The following BBS9 variants were observed in gnomAD, a reference collection of about 807,000 sequenced individuals.
BBS9 encodes the protein Bardet-Biedl syndrome 9, also known as protein PTHB1.
BBS9 carries 89 observed loss-of-function variants against 117.7 expected under a neutral mutation model. That is an observed-to-expected ratio of 0.76 (90% CI 0.64 to 0.90). The LOEUF (loss-of-function observed/expected upper bound fraction) is 0.90, where lower values mean the gene tolerates loss of function less well. Among genes scored for constraint, BBS9 ranks in the 40% least tolerant of loss-of-function variants. The pLI, the probability that BBS9 is intolerant of heterozygous loss-of-function variation, is 0.00. For missense variants in BBS9, 982 were observed against 1,042.2 expected, an observed-to-expected ratio of 0.94 and a Z score of 0.80; for synonymous variants, 379 against 370.9, an observed-to-expected ratio of 1.02 and a Z score of -0.25.
intron 19 of BBS9, among the ~76,000 whole-genome samples, chr7:33,473,019 A>G (rs939499379): frequency 2.6e-5 from 4 of 152,160 alleles, no homozygotes; most frequent in African/African-American, 9.7e-5. Flanking sequence ...TAAGTTGACC[A>G]GGTGGGCCCT....
At chr7:33,628,386 T>C (rs1865740695) in intron 21 of BBS9, among the ~76,000 whole-genome samples, 1 of 152,224 alleles carries the variant, frequency 6.6e-6, no homozygotes, top group South Asian at 2.1e-4. Context: ...ATTGCAATGT[T>C]GGTTTAACAT....
intron 5 of BBS9, among the ~76,000 whole-genome samples, chr7:33,210,639 C>T (rs201399654): frequency 7.2e-4 from 110 of 152,194 alleles, no homozygotes; most frequent in Admixed American, 1.4e-3. Flanking sequence ...CGGGTTCAAG[C>T]GAATTCTCCT....
At chr7:33,138,087 A>C (rs1790818347) in intron 1 of BBS9, among the ~76,000 whole-genome samples, 1 of 152,176 alleles carries the variant, frequency 6.6e-6, no homozygotes, top group Admixed American at 6.5e-5. Flanking sequence ...ATGCTTTTTC[A>C]GTTTTTTGAT....
chr7:33,447,143 C>T (rs568369890), intron 19 of BBS9, among the ~76,000 whole-genome samples: 74 of 152,288 alleles, frequency 4.9e-4, no homozygotes, highest in Admixed American at 3.9e-3. Flanking sequence ...AATAGGAAAA[C>T]AAAGTTTGTT....
chr7:33,296,080 T>C (rs899591612), intron 9 of BBS9, among the ~76,000 whole-genome samples: 1 of 152,078 alleles, frequency 6.6e-6, no homozygotes, highest in Admixed American at 6.6e-5. Flanking sequence ...TACTTATACG[T>C]TGAAATACAT....
chr7:33,176,718 T>A (rs753837737), intron 4 of BBS9, among the ~76,000 whole-genome samples: 1 of 152,194 alleles, frequency 6.6e-6, no homozygotes, highest in African/African-American at 2.4e-5. Context: ...AAAATTTTCC[T>A]TAACTTTTAC....
chr7:33,409,361 A>G (rs1259820243), intron 19 of BBS9, among the ~76,000 whole-genome samples: 1 of 152,220 alleles, frequency 6.6e-6, no homozygotes, highest in Non-Finnish European at 1.5e-5. Context: ...ATCCAGTTTC[A>G]TTCTTCTCCA....
chr7:33,326,480 T>G (rs1336003161), intron 9 of BBS9, among the ~76,000 whole-genome samples: 2 of 152,116 alleles, frequency 1.3e-5, no homozygotes, highest in Non-Finnish European at 2.9e-5. Flanking sequence ...TCTACTCCAC[T>G]GCAGCCCAGC....
chr7:33,129,449 C>A, upstream of BBS9: 1 of 237,076 alleles, frequency 4.2e-6, no homozygotes. Context: ...ATTCCAACCG[C>A]GGCCCTCTCA....
chr7:33,465,855 A>G (rs1840083765), intron 19 of BBS9, among the ~76,000 whole-genome samples: 1 of 152,150 alleles, frequency 6.6e-6, no homozygotes, highest in South Asian at 2.1e-4. Context: ...TAACTGGACT[A>G]TTAACTTGAA....
chr7:33,635,405 A>G (rs984931642), exon 22 of BBS9, among the ~76,000 whole-genome samples: 7 of 152,146 alleles, frequency 4.6e-5, no homozygotes, highest in Non-Finnish European at 1.0e-4. Context: ...AGGAGCCCAG[A>G]GCCGTACTGA....
chr7:33,466,071 T>C (rs1393955815), intron 19 of BBS9, among the ~76,000 whole-genome samples: 2 of 152,064 alleles, frequency 1.3e-5, no homozygotes, highest in African/African-American at 2.4e-5. Flanking sequence ...GAGAGATATA[T>C]ATATATATAC....
intron 5 of BBS9, among the ~76,000 whole-genome samples, chr7:33,197,937 A>T (rs1335595764): frequency 6.6e-6 from 1 of 151,966 alleles, no homozygotes; most frequent in Non-Finnish European, 1.5e-5. Flanking sequence ...ACCTTCAAAG[A>T]TACTAAATTT....
chr7:33,162,968 C>T (rs1345159268), intron 4 of BBS9, among the ~76,000 whole-genome samples: 1 of 151,972 alleles, frequency 6.6e-6, no homozygotes, highest in Non-Finnish European at 1.5e-5. Context: ...CTGTGGGTTT[C>T]TCATAAGTAG....
At chr7:33,334,146 G>C (rs1302704507) in intron 9 of BBS9, among the ~76,000 whole-genome samples, 1 of 152,110 alleles carries the variant, frequency 6.6e-6, no homozygotes, top group African/African-American at 2.4e-5. Flanking sequence ...AAACTTAATA[G>C]GTTCAGATAA....
chr7:33,555,999 G>A (rs1585241182), intron 21 of BBS9, among the ~76,000 whole-genome samples: 1 of 152,198 alleles, frequency 6.6e-6, no homozygotes, highest in Admixed American at 6.5e-5. Context: ...ATCCATGTGG[G>A]TACAAAATAC....
chr7:33,354,046 A>C (rs545055635), intron 15 of BBS9, among the ~76,000 whole-genome samples: 4 of 152,250 alleles, frequency 2.6e-5, no homozygotes, highest in African/African-American at 7.2e-5. Flanking sequence ...GTTATTGTTC[A>C]AAGAAATTTA....
chr7:33,590,465 T>TTGTTTTTGTTTTTG (rs796207733), intron 21 of BBS9, among the ~76,000 whole-genome samples: 9 of 138,012 alleles, frequency 6.5e-5, no homozygotes, highest in East Asian at 6.5e-4. Context: ...TTTTGTTTTT[T>TTGTTTTTGTTTTTG]TTTTTTTTTT....
At chr7:33,466,337 C>A (rs1168474484) in intron 19 of BBS9, among the ~76,000 whole-genome samples, 1 of 152,086 alleles carries the variant, frequency 6.6e-6, no homozygotes, top group Non-Finnish European at 1.5e-5. Flanking sequence ...CAGCCCTTGA[C>A]AACCACCATT....
Sources: gnomAD v4.1 joint callset for allele counts (sites outside exome capture counted in the v4.1 genomes callset) on GRCh38, gnomAD v4.1.1 for gene constraint, MANE v1.5 for transcripts, NCBI Gene and HGNC (gene_info 2026-07-23, HGNC 2026-07-21) for gene names.